NCAPD3: variants seen among roughly 807,000 people sequenced by gnomAD.
NCAPD3 encodes the protein non-SMC condensin II complex subunit D3.
In NCAPD3, 105 loss-of-function variants were observed where a neutral mutation model predicts 182.9. That is an observed-to-expected ratio of 0.57 (90% CI 0.49 to 0.68). NCAPD3 has a LOEUF of 0.68. Ranked by LOEUF, NCAPD3 falls within the 30% of genes least tolerant of loss-of-function variation. The pLI, the probability that NCAPD3 is intolerant of heterozygous loss-of-function variation, is 0.00. For synonymous variants in NCAPD3, 815 were observed against 679.9 expected, an observed-to-expected ratio of 1.20 and a Z score of -3.09; for missense variants, 1,944 against 1,837.0, an observed-to-expected ratio of 1.06 and a Z score of -1.07.
intron 27 of NCAPD3, among the ~76,000 whole-genome samples, chr11:134,166,968 G>A (rs1429767251): frequency 1.6e-5 from 2 of 128,032 alleles, no homozygotes; most frequent in Non-Finnish European, 3.2e-5. Flanking sequence ...ATGAGCTTAG[G>A]GGAGCTGCAC....
chr11:134,171,884 G>A (rs560318986), intron 24 of NCAPD3, among the ~76,000 whole-genome samples: 3 of 152,216 alleles, frequency 2.0e-5, no homozygotes, highest in South Asian at 2.1e-4. Context: ...TCAGTCAGAG[G>A]ATGAGGAGCA....
rs950414925 is a variant in NCAPD3 at position 134,181,083 on chromosome 11, G to T, written c.2553C>A (p.Asp851Glu). Residue 851 changes from aspartate (D) to glutamate (E), a missense_variant, in exon 20 of 35, where the codon GAC becomes GAA. Physicochemically the swap from Asp to Glu is conservative, Grantham distance 45. Coordinates refer to ENST00000534548, the MANE Select transcript of NCAPD3 (RefSeq NM_015261.3). The part of the protein sequence containing the change: ...KENGTGNMDE[D>E]LLVKYIFTLG... ...AGGAAAAGCAGTCGCTTACCAACAG[G>T]TCTTCGTCCATATTCCCTGTTCCAT... The T allele has an allele frequency of 6.2e-7, 1 of 1,612,118 alleles. No individual in the cohort carries two copies. Among genetic ancestry groups the T allele is most frequent in the East Asian group, 2.2e-5 (1 of 44,864 alleles).
Position 134,158,443 on chromosome 11 carries a change from G to T in NCAPD3, c.3920C>A (p.Ala1307Asp). 4 of 1,614,172 alleles carry T rather than the reference G, an allele frequency of 2.5e-6. No individual in the cohort carries two copies. The highest frequency in any genetic ancestry group is 3.4e-6 in the Non-Finnish European group (4 of 1,180,032). The change falls in exon 30 of 35, where the codon GCC (alanine) becomes GAC (aspartate). Residue 1307 changes from alanine to aspartate, a missense_variant. Ala to Asp is a moderately radical substitution (Grantham distance 126). This residue lies in a region of NCAPD3 where 1,803 missense variants were observed against 1,674.6 expected (regional missense o/e 1.08). Coordinates refer to ENST00000534548, the MANE Select transcript of NCAPD3 (RefSeq NM_015261.3). ...GGGCTGGCTCACGGCAGGTGACATG[G>T]CAGGGTTTTCTTGGCCAGCAGGAAC... is the stretch of plus-strand genomic sequence containing the variant. ...VPVPAGQENP[A>D]MSPAVSQPCT...
In NCAPD3 at chr11:134,150,534, GCACTGCAGGGA is replaced by G. The variant is rs1308619716; in HGVS notation, c.*2399_*2409del. 4.5e-4 allele frequency: 68 copies of G among 152,374 alleles called. No individual in the cohort carries two copies. The highest frequency in any genetic ancestry group is 1.6e-3 in the African/African-American group (67 of 41,600). The allele number at this position is 152,374 out of a possible 1,614,324, so 9.4% of individuals were successfully genotyped here. The stretch of plus-strand genomic sequence containing the variant: ...TTCATCCAGCACAGCTCTCAGGTGG[GCACTGCAGGGA>G]CACTGGTGTCTTCCATGTAGCGTCC... On this transcript the variant is annotated 3_prime_UTR_variant, in exon 35 of 35. Transcript: ENST00000534548.
intron 31 of NCAPD3, among the ~76,000 whole-genome samples, chr11:134,157,592 C>T (rs945610723): frequency 2.0e-5 from 3 of 152,222 alleles, no homozygotes; most frequent in African/African-American, 7.2e-5. Flanking sequence ...ACATCTACTA[C>T]ATCTGACTTA....
intron 2 of NCAPD3, among the ~76,000 whole-genome samples, chr11:134,217,616 A>G (rs951801260): frequency 5.9e-5 from 9 of 152,224 alleles, no homozygotes; most frequent in African/African-American, 1.9e-4. Flanking sequence ...AAGAAACCAC[A>G]ATTGTATTAA....
chr11:134,159,372 G>A (rs1158712736), intron 29 of NCAPD3, among the ~76,000 whole-genome samples: 1 of 152,206 alleles, frequency 6.6e-6, no homozygotes, highest in African/African-American at 2.4e-5. Flanking sequence ...GTACTTTGAA[G>A]CCATATCAAC....
intron 3 of NCAPD3, among the ~76,000 whole-genome samples, chr11:134,212,543 G>A (rs537418015): frequency 8.5e-4 from 129 of 151,932 alleles, no homozygotes; most frequent in East Asian, 3.9e-4. Flanking sequence ...TACCACATTG[G>A]GCTAATTTTC....
intron 3 of NCAPD3, among the ~76,000 whole-genome samples, chr11:134,214,198 A>C (rs543750422): frequency 1.3e-5 from 2 of 152,268 alleles, no homozygotes; most frequent in South Asian, 4.1e-4. Context: ...TAAATAATTT[A>C]AAAGTATCAT....
At chr11:134,181,209 T>C in intron 19 of NCAPD3, 25 bp from the exon 20 acceptor site, 1 of 1,516,922 alleles carries the variant, frequency 6.6e-7, no homozygotes, top group Non-Finnish European at 9.2e-7. Flanking sequence ...AAGTCATCTC[T>C]GAAGGGCCCC....
At chr11:134,200,879 GA>G (rs1944733044) in intron 13 of NCAPD3, among the ~76,000 whole-genome samples, 1 of 151,982 alleles carries the variant, frequency 6.6e-6, no homozygotes, top group Admixed American at 6.6e-5. Context: ...CCTTATAACT[GA>G]CTATTACTCA....
chr11:134,163,081 G>A (rs1024252082), intron 27 of NCAPD3, among the ~76,000 whole-genome samples: 3 of 152,162 alleles, frequency 2.0e-5, no homozygotes, highest in Non-Finnish European at 4.4e-5. Flanking sequence ...GAGGTTAGAG[G>A]TGAGGATGGA....
intron 19 of NCAPD3, chr11:134,182,893 A>G (rs187292382): frequency 5.9e-5 from 17 of 287,836 alleles, no homozygotes; most frequent in African/African-American, 3.8e-4. Context: ...ATTCCAGACA[A>G]TCTCAGGGCC....
intron 14 of NCAPD3, 63 bp from the exon 15 acceptor site, chr11:134,194,213 G>GT: frequency 6.6e-7 from 1 of 1,512,856 alleles, no homozygotes; most frequent in South Asian, 1.2e-5. Flanking sequence ...AAGATAAACT[G>GT]TTAACAAAGG....
At chr11:134,200,902 A>T (rs1230475576) in intron 13 of NCAPD3, among the ~76,000 whole-genome samples, 1 of 152,258 alleles carries the variant, frequency 6.6e-6, no homozygotes, top group Non-Finnish European at 1.5e-5. Context: ...CACAAAAAGG[A>T]ATGAAGTACT....
intron 31 of NCAPD3, 68 bp downstream of exon 31, chr11:134,157,860 G>C (rs1044015333): frequency 1.3e-6 from 2 of 1,481,956 alleles, no homozygotes; most frequent in African/African-American, 2.8e-5. Flanking sequence ...AAAGGAATAA[G>C]AAGTAGCTTG....
chr11:134,194,264 C>T (rs1944582345), intron 14 of NCAPD3, 114 bp from the exon 15 acceptor site: 6 of 1,153,966 alleles, frequency 5.2e-6, no homozygotes, highest in Admixed American at 2.3e-5. Context: ...ATTTTGGGGT[C>T]ATGGATCCAA....
upstream of NCAPD3, chr11:134,224,811 C>T (rs1192565315): frequency 2.6e-5 from 4 of 154,814 alleles, no homozygotes; most frequent in East Asian, 7.5e-4. Context: ...ATTGCACGGC[C>T]GACCCTCGCC....
At chr11:134,180,976 T>C (rs1944282906) in intron 20 of NCAPD3, 101 bp downstream of exon 20, 1 of 803,826 alleles carries the variant, frequency 1.2e-6, no homozygotes, top group Admixed American at 2.4e-5. Flanking sequence ...GACAGCTCTT[T>C]TGTTAAAAGC....
Sources: allele counts gnomAD v4.1 joint callset (sites outside exome capture counted in the v4.1 genomes callset), GRCh38; gene constraint gnomAD v4.1.1; regional missense constraint gnomAD v4.1.1; transcripts MANE v1.5; gene names NCBI Gene and HGNC (gene_info 2026-07-23, HGNC 2026-07-21).